Variants in FRMD4B observed in about 807,000 individuals in gnomAD.
FRMD4B encodes the protein FERM domain-containing protein 4B.
FRMD4B carries 74 observed loss-of-function variants against 141.5 expected under a neutral mutation model. The observed-to-expected ratio is 0.52, with a 90% CI of 0.43 to 0.63. FRMD4B has a LOEUF of 0.63. Among genes scored for constraint, FRMD4B ranks in the 30% least tolerant of loss-of-function variants. The pLI, the probability that FRMD4B is intolerant of heterozygous loss-of-function variation, is 0.00. For synonymous variants in FRMD4B, 506 were observed against 467.9 expected (o/e 1.08, Z -1.05); for missense variants, 1,366 against 1,253.4 (o/e 1.09, Z -1.36).
chr3:69,197,087 G>A (rs2092914876), intron 12 of FRMD4B, 49 bp from the exon 13 acceptor site: 8 of 1,499,210 alleles, frequency 5.3e-6, no homozygotes, highest in Non-Finnish European at 7.4e-6. Context: ...GGCCCAGCAT[G>A]ATGCAAAATG....
At chr3:69,206,940 G>A (rs947119707) in intron 11 of FRMD4B, among the ~76,000 whole-genome samples, 1 of 152,040 alleles carries the variant, frequency 6.6e-6, no homozygotes, top group African/African-American at 2.4e-5. Context: ...AACAACTTTA[G>A]CTTATCAGTG....
At chr3:69,396,127 T>A (rs1249482589) in intron 2 of FRMD4B, among the ~76,000 whole-genome samples, 1 of 152,234 alleles carries the variant, frequency 6.6e-6, no homozygotes, top group African/African-American at 2.4e-5. Context: ...CCTTTTTCTA[T>A]GTTGCTGATA....
In FRMD4B at chr3:69,198,763, C is replaced by A; in HGVS notation, c.888G>T (p.Trp296Cys). The A allele has an allele frequency of 6.6e-7, 1 of 1,525,802 alleles. No individual in the cohort carries two copies. Among genetic ancestry groups the A allele is most frequent in the Admixed American group, 1.9e-5 (1 of 53,728 alleles). 94.5% of individuals were successfully genotyped at this position (1,525,802 alleles called of 1,614,324 possible). Residue 296 changes from tryptophan (W) to cysteine (C), a missense_variant, in exon 12 of 23, where the codon TGG becomes TGT. Physicochemically the swap from Trp to Cys is radical, Grantham distance 215. Transcript: ENST00000398540. The part of the protein sequence containing the change: ...DKVKPRKLFQ[W>C]KQLENLYFRE... Reference sequence around the variant, plus strand: ...GGAAATATAAGTTCTCCAGCTGTTTCCATTGGAATAACTAAAGAAAACAGA... The same window carrying A: ...GGAAATATAAGTTCTCCAGCTGTTTACATTGGAATAACTAAAGAAAACAGA...
At chr3:69,229,162 A>T (rs117441550) in intron 7 of FRMD4B, among the ~76,000 whole-genome samples, 2,571 of 151,970 alleles carry the variant, frequency 0.017, 86 homozygotes, top group East Asian at 0.077. Context: ...AGTAGCTAGA[A>T]TCACAGCTGC....
upstream of FRMD4B, among the ~76,000 whole-genome samples, chr3:69,387,237 C>T (rs568712429): frequency 3.7e-4 from 57 of 152,184 alleles, 1 homozygote; most frequent in South Asian, 0.011. Context: ...ATGAAGTGAT[C>T]CATCTTCCCA....
At chr3:69,312,864 G>A (rs1701645626) in intron 2 of FRMD4B, among the ~76,000 whole-genome samples, 1 of 147,578 alleles carries the variant, frequency 6.8e-6, no homozygotes, top group Admixed American at 6.8e-5. Flanking sequence ...ATTCCAGCCT[G>A]GGCAACAGAG....
At chr3:69,253,181 C>CTTTTTTTTTTTTTTTTTTT (rs781662739) in intron 5 of FRMD4B, among the ~76,000 whole-genome samples, 1 of 121,952 alleles carries the variant, frequency 8.2e-6, no homozygotes. Flanking sequence ...AATATGATTC[C>CTTTTTTTTTTTTTTTTTTT]TATTTTTTTT....
chr3:69,344,852 G>A (rs967352672), intron 1 of FRMD4B, among the ~76,000 whole-genome samples: 1 of 152,140 alleles, frequency 6.6e-6, no homozygotes, highest in Non-Finnish European at 1.5e-5. Context: ...AACAACCACA[G>A]GGGCAGTTCC....
chr3:69,416,869 A>G (rs148970753), intron 2 of FRMD4B, among the ~76,000 whole-genome samples: 610 of 152,282 alleles, frequency 4.0e-3, no homozygotes, highest in African/African-American at 0.014. Context: ...TGTCCCTGCA[A>G]AGGACATGAA....
chr3:69,352,295 T>C (rs1703175996), intron 1 of FRMD4B, among the ~76,000 whole-genome samples: 1 of 152,192 alleles, frequency 6.6e-6, no homozygotes, highest in Non-Finnish European at 1.5e-5. Context: ...TAAGATTATA[T>C]TCCTTTTCAC....
chr3:69,482,032 T>G (rs10510979), intron 1 of FRMD4B, among the ~76,000 whole-genome samples: 1 of 152,176 alleles, frequency 6.6e-6, no homozygotes, highest in South Asian at 2.1e-4. Flanking sequence ...CTGCAACTAA[T>G]TGAATAAACA....
At chr3:69,250,423 A>AT (rs1559752599) in intron 5 of FRMD4B, among the ~76,000 whole-genome samples, 1 of 152,082 alleles carries the variant, frequency 6.6e-6, no homozygotes, top group Non-Finnish European at 1.5e-5. Flanking sequence ...TAAATGAAAA[A>AT]TTTTTATCTC....
chr3:69,487,164 T>C (rs1453174467), intron 1 of FRMD4B, among the ~76,000 whole-genome samples: 1 of 152,188 alleles, frequency 6.6e-6, no homozygotes, highest in Non-Finnish European at 1.5e-5. Flanking sequence ...TTGAGCACAC[T>C]GGGCTGAAAT....
intron 1 of FRMD4B, among the ~76,000 whole-genome samples, chr3:69,338,267 T>C (rs1702620663): frequency 6.6e-6 from 1 of 151,988 alleles, no homozygotes; most frequent in South Asian, 2.1e-4. Context: ...TGACAACTCA[T>C]GGATGCAGAA....
At chr3:69,250,779 G>C (rs1392866430) in intron 5 of FRMD4B, among the ~76,000 whole-genome samples, 1 of 146,012 alleles carries the variant, frequency 6.8e-6, no homozygotes, top group Non-Finnish European at 1.5e-5. Context: ...TTGGAGCTCT[G>C]GGCCTTGGTA....
chr3:69,287,570 G>T, intron 5 of FRMD4B, 182 bp downstream of exon 5: 1 of 558,790 alleles, frequency 1.8e-6, no homozygotes, highest in Non-Finnish European at 3.2e-6. Context: ...TTCCCACTCA[G>T]AATTTGAGAA....
At chr3:69,266,474 T>C (rs993080410) in intron 5 of FRMD4B, among the ~76,000 whole-genome samples, 30 of 152,114 alleles carry the variant, frequency 2.0e-4, no homozygotes, top group Admixed American at 1.4e-3. Context: ...TACAGGCACC[T>C]GCCACCACGC....
intron 11 of FRMD4B, among the ~76,000 whole-genome samples, chr3:69,205,869 G>A (rs1477012553): frequency 1.3e-5 from 2 of 152,154 alleles, no homozygotes; most frequent in Non-Finnish European, 2.9e-5. Context: ...AATTAATTCT[G>A]GAGTTCTATT....
chr3:69,191,501 C>T (rs557253542), intron 17 of FRMD4B, among the ~76,000 whole-genome samples: 85 of 152,234 alleles, frequency 5.6e-4, no homozygotes, highest in African/African-American at 2.0e-3. Flanking sequence ...TCTGCATTTG[C>T]AAATCATTCC....
Sources: allele counts gnomAD v4.1 joint callset (sites outside exome capture counted in the v4.1 genomes callset), GRCh38; gene constraint gnomAD v4.1.1; transcripts MANE v1.5; gene names NCBI Gene and HGNC (gene_info 2026-07-23, HGNC 2026-07-21).